LRMDA: variants seen among roughly 807,000 people sequenced by gnomAD.
The protein encoded by LRMDA is leucine rich melanocyte differentiation associated.
A neutral mutation model predicts 29.8 loss-of-function variants in LRMDA; 18 were observed. The ratio of observed to expected loss-of-function variants is 0.60; its 90% CI spans 0.42 to 0.90. The LOEUF is 0.90. LRMDA is among the 40% of genes least tolerant of loss of function. The pLI is 0.00. For missense variants in LRMDA, 273 were observed against 273.9 expected (o/e 1.00, Z 0.02); for synonymous variants, 125 against 109.4 (o/e 1.14, Z -0.89).
At chr10:76,058,092 A>G (rs1349691534) in intron 4 of LRMDA, among the ~76,000 whole-genome samples, 1 of 152,192 alleles carries the variant, frequency 6.6e-6, no homozygotes, top group African/African-American at 2.4e-5. Context: ...GATAATCTTC[A>G]TAGGTTAGCA....
At chr10:76,423,991 T>C (rs755509127) in intron 6 of LRMDA, among the ~76,000 whole-genome samples, 1 of 152,184 alleles carries the variant, frequency 6.6e-6, no homozygotes, top group Non-Finnish European at 1.5e-5. Context: ...AGGGGCTCCT[T>C]TGTGATCCCA....
chr10:76,263,472 A>G (rs1014369460), intron 5 of LRMDA, among the ~76,000 whole-genome samples: 1 of 152,198 alleles, frequency 6.6e-6, no homozygotes, highest in South Asian at 2.1e-4. Context: ...CCAGGTTTGC[A>G]TGATGGTTAC....
intron 2 of LRMDA, among the ~76,000 whole-genome samples, chr10:75,711,260 C>G (rs1314983362): frequency 6.6e-6 from 1 of 152,108 alleles, no homozygotes; most frequent in Non-Finnish European, 1.5e-5. Flanking sequence ...ACTTTTAAAT[C>G]CTGATGCCTT....
chr10:76,311,382 C>A (rs1245319238), intron 5 of LRMDA, among the ~76,000 whole-genome samples: 1 of 152,074 alleles, frequency 6.6e-6, no homozygotes, highest in African/African-American at 2.4e-5. Flanking sequence ...AATCTAAGGC[C>A]ATTAAGGCTG....
chr10:75,696,614 T>C (rs1268598403), intron 2 of LRMDA, among the ~76,000 whole-genome samples: 1 of 152,200 alleles, frequency 6.6e-6, no homozygotes, highest in Non-Finnish European at 1.5e-5. Flanking sequence ...AGTATAATAA[T>C]TGAGCAGAAA....
chr10:76,493,775 A>T (rs762237042), intron 6 of LRMDA, among the ~76,000 whole-genome samples: 1 of 152,096 alleles, frequency 6.6e-6, no homozygotes, highest in Non-Finnish European at 1.5e-5. Flanking sequence ...TCTAAAAAAA[A>T]TCCTGCTAGA....
At chr10:75,678,048 A>T (rs1034765824) in intron 2 of LRMDA, among the ~76,000 whole-genome samples, 1 of 152,212 alleles carries the variant, frequency 6.6e-6, no homozygotes, top group Non-Finnish European at 1.5e-5. Context: ...CTATTTAGAA[A>T]TGGGAGAAAA....
Position 75,810,985 on chromosome 10 carries a change from A to G in LRMDA, c.132-225023A>G, listed in dbSNP as rs552703579. Reference sequence around the variant, plus strand: ...ACTTGCCCAAGGTCACACAGCCACCAAGTGGAGGAGCTGGGTCCAGGGCCC... The same window carrying G: ...ACTTGCCCAAGGTCACACAGCCACCGAGTGGAGGAGCTGGGTCCAGGGCCC... On this transcript the variant is annotated intron_variant, in intron 2 of 6. Coordinates refer to ENST00000611255, the MANE Select transcript of LRMDA (RefSeq NM_001305581.2). Among the ~76,000 whole-genome samples the G allele has an allele frequency of 7.2e-5, 11 of 152,284 alleles. 1 individual carries two copies. In the South Asian group the frequency reaches 2.3e-3, roughly 32 times the overall value.
intron 2 of LRMDA, among the ~76,000 whole-genome samples, chr10:75,709,805 C>A (rs1468962557): frequency 3.9e-5 from 6 of 152,206 alleles, no homozygotes; most frequent in Non-Finnish European, 8.8e-5. Flanking sequence ...CTTTTGAACC[C>A]TGTCTCCTCC....
rs1841398814 is a variant in LRMDA at position 75,637,117 on chromosome 10, C to T, written c.131+198623C>T. 2.0e-5 allele frequency among the ~76,000 whole-genome samples: 3 copies of T among 152,280 alleles called. No homozygotes were observed. In the South Asian group the frequency reaches 6.2e-4, roughly 32 times the overall value. ...GAAACTGGTAGAGTGGAGATTTGAA[C>T]TTGGGTCTCTCTGACTTTGAAGCTT... On this transcript the variant is annotated intron_variant, in intron 2 of 6. Transcript: ENST00000611255.
At chr10:75,653,210 G>A (rs180714331) in intron 2 of LRMDA, among the ~76,000 whole-genome samples, 1 of 152,330 alleles carries the variant, frequency 6.6e-6, no homozygotes, top group East Asian at 1.9e-4. Flanking sequence ...CTATTGAGCT[G>A]ACATGGATTC....
At chr10:75,445,558 T>C (rs1278275577) in intron 2 of LRMDA, among the ~76,000 whole-genome samples, 1 of 43,794 alleles carries the variant, frequency 2.3e-5, no homozygotes, top group African/African-American at 1.0e-4. Flanking sequence ...TAAAGATAAT[T>C]CTGTGCTTTA....
At chr10:75,930,837 T>A (rs1477242271) in intron 2 of LRMDA, among the ~76,000 whole-genome samples, 1 of 152,186 alleles carries the variant, frequency 6.6e-6, no homozygotes, top group African/African-American at 2.4e-5. Context: ...AAGTTGAGAT[T>A]TGAGATTATT....
intron 6 of LRMDA, among the ~76,000 whole-genome samples, chr10:76,392,684 T>C (rs981283834): frequency 6.6e-6 from 1 of 152,156 alleles, no homozygotes. Context: ...TATTATTTTT[T>C]TTTGTAGTGA....
chr10:75,610,460 TAGAC>T (rs1841013968), intron 2 of LRMDA, among the ~76,000 whole-genome samples: 1 of 151,448 alleles, frequency 6.6e-6, no homozygotes, highest in Non-Finnish European at 1.5e-5. Flanking sequence ...TGACACCACA[TAGAC>T]AAACACATAC....
intron 2 of LRMDA, among the ~76,000 whole-genome samples, chr10:75,814,597 G>C (rs1275606733): frequency 6.6e-6 from 1 of 152,084 alleles, no homozygotes; most frequent in Non-Finnish European, 1.5e-5. Flanking sequence ...AAACATTCAT[G>C]TTCTTCCTCT....
chr10:75,723,503 GAGA>G (rs1842594668), intron 2 of LRMDA, among the ~76,000 whole-genome samples: 1 of 152,220 alleles, frequency 6.6e-6, no homozygotes, highest in Non-Finnish European at 1.5e-5. Context: ...CATGCAGCAG[GAGA>G]AGGAGGGGGC....
At chr10:76,388,133 A>G (rs1358024276) in intron 6 of LRMDA, among the ~76,000 whole-genome samples, 1 of 152,218 alleles carries the variant, frequency 6.6e-6, no homozygotes, top group Non-Finnish European at 1.5e-5. Context: ...GTCAGTAGAT[A>G]TCTATGTTCT....
chr10:76,469,322 C>T (rs1842595290), intron 6 of LRMDA, among the ~76,000 whole-genome samples: 1 of 152,154 alleles, frequency 6.6e-6, no homozygotes, highest in Non-Finnish European at 1.5e-5. Context: ...AGTTAAGTTC[C>T]TGGTGAGGTC....
Sources: allele counts gnomAD v4.1 joint callset (sites outside exome capture counted in the v4.1 genomes callset), GRCh38; gene constraint gnomAD v4.1.1; transcripts MANE v1.5; gene names NCBI Gene and HGNC (gene_info 2026-07-23, HGNC 2026-07-21).